Variants in TMEM132D observed in about 807,000 individuals in gnomAD.
TMEM132D encodes the protein transmembrane protein 132D.
TMEM132D carries 21 observed loss-of-function variants against 62.3 expected under a neutral mutation model. The ratio of observed to expected loss-of-function variants is 0.34; its 90% CI spans 0.24 to 0.49. The LOEUF (loss-of-function observed/expected upper bound fraction) is 0.49, where lower values mean the gene tolerates loss of function less well. Among genes scored for constraint, TMEM132D ranks in the 20% least tolerant of loss-of-function variants. TMEM132D has a pLI of 0.99. For missense variants in TMEM132D, 1,346 were observed against 1,402.8 expected (o/e 0.96, Z 0.65); for synonymous variants, 621 against 575.6 (o/e 1.08, Z -1.13).
chr12:129,860,795 C>T (rs1873870224), intron 1 of TMEM132D, among the ~76,000 whole-genome samples: 1 of 152,110 alleles, frequency 6.6e-6, no homozygotes, highest in Non-Finnish European at 1.5e-5. Flanking sequence ...TCCTTTTTCA[C>T]AGGGCAGCAG....
At chr12:129,638,254 A>G (rs1486707334) in intron 2 of TMEM132D, among the ~76,000 whole-genome samples, 1 of 152,128 alleles carries the variant, frequency 6.6e-6, no homozygotes, top group Non-Finnish European at 1.5e-5. Context: ...TCATGGTTTC[A>G]CCATATCACA....
At chr12:129,685,111 A>T (rs1283260875) in intron 2 of TMEM132D, among the ~76,000 whole-genome samples, 2 of 152,248 alleles carry the variant, frequency 1.3e-5, no homozygotes, top group Admixed American at 1.3e-4. Flanking sequence ...AATAGAAAAT[A>T]AAAACCCATT....
chr12:129,394,829 G>A (rs978819328), intron 3 of TMEM132D, among the ~76,000 whole-genome samples: 1 of 152,206 alleles, frequency 6.6e-6, no homozygotes, highest in African/African-American at 2.4e-5. Context: ...CCTGGGGATG[G>A]AGGTGACAGA....
At chr12:129,708,969 C>T (rs949420028) in intron 1 of TMEM132D, among the ~76,000 whole-genome samples, 8 of 152,160 alleles carry the variant, frequency 5.3e-5, no homozygotes, top group African/African-American at 1.9e-4. Context: ...CAGAACTTTC[C>T]AGAGTGAGTG....
intron 1 of TMEM132D, among the ~76,000 whole-genome samples, chr12:129,874,119 T>C (rs1254310764): frequency 6.6e-6 from 1 of 152,222 alleles, no homozygotes; most frequent in Non-Finnish European, 1.5e-5. Flanking sequence ...GAGGCCGTAT[T>C]GTGGACTTGA....
chr12:129,361,094 C>CAATT lies in TMEM132D; in HGVS notation c.1116-23281_1116-23278dup, dbSNP rs147294882. ...CATATTCAAAGGGATGTCCACTGAG[C>CAATT]AATTAATGGCTTGAAAACAGTGTTT... On this transcript the variant is annotated intron_variant, in intron 3 of 8. Coordinates refer to ENST00000422113, the MANE Select transcript of TMEM132D (RefSeq NM_133448.3). 7.8e-3 allele frequency among the ~76,000 whole-genome samples: 1,186 copies of CAATT among 152,194 alleles called. 16 individuals carry two copies. The highest frequency in any genetic ancestry group is 0.027 in the African/African-American group (1,134 of 41,524).
intron 3 of TMEM132D, among the ~76,000 whole-genome samples, chr12:129,366,026 C>G (rs1234272756): frequency 2.0e-5 from 3 of 151,930 alleles, no homozygotes; most frequent in African/African-American, 7.2e-5. Context: ...GCTTGATGTA[C>G]TCATTCTATA....
At chr12:129,547,434 T>C (rs1876768611) in intron 2 of TMEM132D, among the ~76,000 whole-genome samples, 1 of 152,166 alleles carries the variant, frequency 6.6e-6, no homozygotes, top group Admixed American at 6.5e-5. Flanking sequence ...TACTGGACCT[T>C]GGGTTTAGGG....
intron 2 of TMEM132D, among the ~76,000 whole-genome samples, chr12:129,699,134 A>T (rs1881309209): frequency 6.6e-6 from 1 of 152,192 alleles, no homozygotes; most frequent in Admixed American, 6.5e-5. Flanking sequence ...CTAGGCAAGT[A>T]GCTTCTCTCA....
At chr12:129,860,748 G>A (rs769058316) in intron 1 of TMEM132D, among the ~76,000 whole-genome samples, 28 of 152,148 alleles carry the variant, frequency 1.8e-4, no homozygotes, top group Non-Finnish European at 3.7e-4. Context: ...GAGGCCTCAG[G>A]AAACTTACAA....
intron 1 of TMEM132D, among the ~76,000 whole-genome samples, chr12:129,724,743 G>A (rs1299862352): frequency 6.6e-6 from 1 of 151,880 alleles, no homozygotes; most frequent in African/African-American, 2.4e-5. Context: ...GGCTGCTCTC[G>A]AACTCCTGAC....
chr12:129,416,358 A>C (rs973075543), intron 3 of TMEM132D, among the ~76,000 whole-genome samples: 1 of 151,954 alleles, frequency 6.6e-6, no homozygotes, highest in African/African-American at 2.4e-5. Context: ...CTCTCTGTCT[A>C]TTATTGGTAT....
chr12:129,223,028 T>C (rs1221788397), intron 4 of TMEM132D, among the ~76,000 whole-genome samples: 1 of 152,046 alleles, frequency 6.6e-6, no homozygotes, highest in East Asian at 1.9e-4. Context: ...ATACACAATG[T>C]TTATTTGCCA....
At chr12:129,695,977 C>T (rs1006884613) in intron 2 of TMEM132D, among the ~76,000 whole-genome samples, 1 of 152,110 alleles carries the variant, frequency 6.6e-6, no homozygotes, top group Non-Finnish European at 1.5e-5. Context: ...TAGAATATCA[C>T]TGGATACACC....
chr12:129,092,421 G>A (rs1874956337), intron 5 of TMEM132D, among the ~76,000 whole-genome samples: 1 of 150,658 alleles, frequency 6.6e-6, no homozygotes, highest in South Asian at 2.1e-4. Flanking sequence ...CAATTCTCAA[G>A]TTAGGTAGCA....
At chr12:129,241,034 T>G (rs1593308209) in intron 4 of TMEM132D, among the ~76,000 whole-genome samples, 1 of 151,952 alleles carries the variant, frequency 6.6e-6, no homozygotes, top group South Asian at 2.1e-4. Context: ...CCTGCCTGTG[T>G]TTGGGTGATA....
rs1201161776 is a variant in TMEM132D at position 129,519,079 on chromosome 12, C to T, written c.1115+11980G>A. Among the ~76,000 whole-genome samples, 4 of 152,258 alleles carry T rather than the reference C, an allele frequency of 2.6e-5. No homozygotes were observed. The East Asian group carries it at 5.8e-4, about 22-fold the overall frequency. ...TTTACATGTTAAAGATACTTTTTCCCTTTAATTATGTCTTACCTGTTTTAA... is the reference window on the plus strand; with the variant it reads ...TTTACATGTTAAAGATACTTTTTCCTTTTAATTATGTCTTACCTGTTTTAA... On this transcript the variant is annotated intron_variant, in intron 3 of 8. Transcript: ENST00000422113.
In TMEM132D at chr12:129,074,934, T is replaced by TTGGTGGATGGAGACTACC; in HGVS notation, c.2223_2240dup (p.Val742_Gln747dup). ...TGATAGGCCACTTGAATTTGGGGTCTTGGTGGATGGAGACTACCTTCTCAT... is the reference window on the plus strand; with the variant it reads ...TGATAGGCCACTTGAATTTGGGGTCTTGGTGGATGGAGACTACCTGGTGGATGGAGACTACCTTCTCAT... On this transcript the variant is annotated inframe_insertion, in exon 9 of 9. Coordinates refer to ENST00000422113, the MANE Select transcript of TMEM132D (RefSeq NM_133448.3). 5.6e-6 allele frequency: 9 copies of TTGGTGGATGGAGACTACC among 1,614,090 alleles called. No homozygotes were observed. Among genetic ancestry groups the TTGGTGGATGGAGACTACC allele is most frequent in the Non-Finnish European group, 7.6e-6 (9 of 1,180,022 alleles).
chr12:129,495,797 C>T (rs960291941), intron 3 of TMEM132D, among the ~76,000 whole-genome samples: 4 of 152,178 alleles, frequency 2.6e-5, no homozygotes, highest in African/African-American at 9.7e-5. Flanking sequence ...CTATCAGCGC[C>T]TGAAGAGAGG....
Sources: allele counts gnomAD v4.1 joint callset (sites outside exome capture counted in the v4.1 genomes callset), GRCh38; gene constraint gnomAD v4.1.1; transcripts MANE v1.5; gene names NCBI Gene and HGNC (gene_info 2026-07-23, HGNC 2026-07-21).